C6orf118: variants seen among roughly 807,000 people sequenced by gnomAD.
The protein encoded by C6orf118 is uncharacterized protein C6orf118.
In C6orf118, 50 loss-of-function variants were observed where a neutral mutation model predicts 50.2. The ratio of observed to expected loss-of-function variants is 1.00; its 90% CI spans 0.79 to 1.26. C6orf118 has a LOEUF of 1.26. Among genes scored for constraint, C6orf118 ranks in the 50% most tolerant of loss-of-function variants. The probability of loss-of-function intolerance (pLI) is 0.00; values close to 1 mark genes in which losing one functional copy is unlikely to be tolerated. For synonymous variants in C6orf118, 239 were observed against 230.9 expected, an observed-to-expected ratio of 1.03 and a Z score of -0.32; for missense variants, 641 against 578.7, an observed-to-expected ratio of 1.11 and a Z score of -1.10.
rs374675192 is a variant in C6orf118 at position 165,302,054 on chromosome 6, G to C, written c.268C>G (p.Arg90Gly). 2 of 1,613,514 alleles carry C rather than the reference G, an allele frequency of 1.2e-6. No individual in the cohort carries two copies. The highest frequency in any genetic ancestry group is 1.7e-6 in the Non-Finnish European group (2 of 1,179,840). Residue 90 changes from arginine (R) to glycine (G), a missense_variant, in exon 2 of 9, where the codon CGC becomes GGC. Transcript: ENST00000230301. ...GGCGGCTCTCCCACCTCAGAGGCGCGCTCCCCCTTGGGCCGGTGGGCATTG... is the reference window on the plus strand; with the variant it reads ...GGCGGCTCTCCCACCTCAGAGGCGCCCTCCCCCTTGGGCCGGTGGGCATTG... ...WPNAHRPKGE[R>G]ASEVGEPPAG...
In C6orf118 at chr6:165,280,034, C is replaced by T. The variant is rs370982106; in HGVS notation, c.*23G>A. 3.1e-6 allele frequency: 5 copies of T among 1,594,444 alleles called. No homozygotes were observed. The African/African-American group carries it at 5.4e-5, about 17-fold the overall frequency. On this transcript the variant is annotated 3_prime_UTR_variant, in exon 9 of 9. Transcript: ENST00000230301. ...CATGGAAGTTAAGAATTTCCACTGG[C>T]CATTTGTTCAGCCACTTGAGCGTTA...
At chr6:165,289,563 A>G (rs1262074152) in intron 7 of C6orf118, among the ~76,000 whole-genome samples, 2 of 152,134 alleles carry the variant, frequency 1.3e-5, no homozygotes, top group Non-Finnish European at 2.9e-5. Context: ...GTAGTATTTC[A>G]TCCCTCATCC....
At chr6:165,302,390 A>C in intron 1 of C6orf118, 94 bp from the exon 2 acceptor site, 1 of 1,444,648 alleles carries the variant, frequency 6.9e-7, no homozygotes, top group Non-Finnish European at 9.3e-7. Flanking sequence ...CCCCTGACCA[A>C]AAGAGGGTCT....
intron 6 of C6orf118, 78 bp downstream of exon 6, chr6:165,293,335 G>A (rs961424763): frequency 3.1e-6 from 4 of 1,293,296 alleles, no homozygotes; most frequent in African/African-American, 2.9e-5. Context: ...TGACAGACAG[G>A]CAGCCACACT....
intron 5 of C6orf118, among the ~76,000 whole-genome samples, chr6:165,297,122 C>T (rs775457530): frequency 1.3e-5 from 2 of 152,056 alleles, no homozygotes; most frequent in Non-Finnish European, 2.9e-5. Flanking sequence ...TGAGAGAGAC[C>T]TTAAGACCAA....
At chr6:165,283,850 T>C (rs966103154) in intron 7 of C6orf118, among the ~76,000 whole-genome samples, 1 of 152,142 alleles carries the variant, frequency 6.6e-6, no homozygotes, top group East Asian at 1.9e-4. Context: ...CAAAGATAGA[T>C]AAGTGCATGA....
At chr6:165,308,555 T>C (rs934099564) in intron 1 of C6orf118, among the ~76,000 whole-genome samples, 1 of 152,122 alleles carries the variant, frequency 6.6e-6, no homozygotes, top group Non-Finnish European at 1.5e-5. Context: ...GCAGCAAAAC[T>C]GACCTTACCC....
Position 165,299,516 on chromosome 6 carries a change from A to G in C6orf118, c.877-14T>C, listed in dbSNP as rs1294452616. The G allele has an allele frequency of 1.9e-6, 3 of 1,613,416 alleles. No homozygotes were observed. The highest frequency in any genetic ancestry group is 1.7e-5 in the Admixed American group (1 of 59,984). Reference sequence around the variant, plus strand: ...TTCATATTCATCCTGTACAGAAACAAACAAAAGTCCACTGGCCATGTATGA... The same window carrying G: ...TTCATATTCATCCTGTACAGAAACAGACAAAAGTCCACTGGCCATGTATGA... On this transcript the variant is annotated splice_polypyrimidine_tract_variant and intron_variant, in intron 3 of 8. Transcript: ENST00000230301.
intron 6 of C6orf118, among the ~76,000 whole-genome samples, chr6:165,291,264 A>T (rs971134766): frequency 3.9e-5 from 6 of 152,246 alleles, no homozygotes; most frequent in African/African-American, 1.2e-4. Context: ...AATAGACCTT[A>T]GTAATTGACT....
Position 165,280,092 on chromosome 6 carries a change from G to C in C6orf118, c.1375C>G (p.Gln459Glu), listed in dbSNP as rs760965461. The C allele has an allele frequency of 1.2e-6, 2 of 1,607,272 alleles. No individual in the cohort carries two copies. The highest frequency in any genetic ancestry group is 2.2e-5 in the South Asian group (2 of 89,352). The part of the protein sequence containing the change: ...KKIKGPLEIY[Q>E]GICKIRGNRR ...TTTCCTCTGATTTTACAAATTCCTT[G>C]ATAAATTTCCAAAGGCCCCTTAAAA... The change falls in exon 9 of 9, where the codon CAA becomes GAA. Residue 459 changes from glutamine (Q) to glutamate (E), a missense_variant. Transcript: ENST00000230301.
At chr6:165,296,908 A>G (rs865951885) in intron 5 of C6orf118, among the ~76,000 whole-genome samples, 5 of 152,260 alleles carry the variant, frequency 3.3e-5, no homozygotes, top group Middle Eastern at 3.4e-3. Flanking sequence ...AATAAACTAG[A>G]TACACACCAG....
intron 4 of C6orf118, 124 bp downstream of exon 4, chr6:165,299,319 T>C: frequency 1.4e-6 from 1 of 725,226 alleles, no homozygotes; most frequent in South Asian, 1.9e-5. Context: ...AAAGAACATA[T>C]CAGCTATTCT....
chr6:165,284,116 G>A (rs1779827620), intron 7 of C6orf118, among the ~76,000 whole-genome samples: 1 of 152,134 alleles, frequency 6.6e-6, no homozygotes, highest in South Asian at 2.1e-4. Context: ...AGAATAATCA[G>A]TTTAGAGAGA....
At chr6:165,307,217 C>A (rs978169181) in intron 1 of C6orf118, among the ~76,000 whole-genome samples, 1 of 147,206 alleles carries the variant, frequency 6.8e-6, no homozygotes, top group Non-Finnish European at 1.5e-5. Context: ...CCCACCCCCC[C>A]CACCCCACCA....
intron 3 of C6orf118, 48 bp downstream of exon 3, chr6:165,300,316 C>T (rs748076631): frequency 1.9e-6 from 3 of 1,605,958 alleles, no homozygotes; most frequent in African/African-American, 1.3e-5. Context: ...GTACACAGAA[C>T]CTCATGCAAG....
chr6:165,280,053 A>G lies in C6orf118; in HGVS notation c.*4T>C. The G allele has an allele frequency of 6.2e-7, 1 of 1,604,058 alleles. No homozygotes were observed. Among genetic ancestry groups the G allele is most frequent in the Non-Finnish European group, 8.5e-7 (1 of 1,177,638 alleles). On this transcript the variant is annotated 3_prime_UTR_variant, in exon 9 of 9. Coordinates refer to ENST00000230301, the MANE Select transcript of C6orf118 (RefSeq NM_144980.4). ...CACTGGCCATTTGTTCAGCCACTTGAGCGTTATCTTCTGTTTCCTCTGATT... is the reference window on the plus strand; with the variant it reads ...CACTGGCCATTTGTTCAGCCACTTGGGCGTTATCTTCTGTTTCCTCTGATT...
intron 5 of C6orf118, among the ~76,000 whole-genome samples, chr6:165,297,099 A>T (rs555329422): frequency 6.6e-6 from 1 of 152,142 alleles, no homozygotes; most frequent in Non-Finnish European, 1.5e-5. Context: ...GCTAGAGTTC[A>T]TAGCCACCCT....
At chr6:165,304,824 G>GAC (rs1780667393) in intron 1 of C6orf118, among the ~76,000 whole-genome samples, 1 of 33,628 alleles carries the variant, frequency 3.0e-5, no homozygotes, top group Non-Finnish European at 4.8e-5. Flanking sequence ...AATAAAAGAG[G>GAC]ACACAAACAA....
intron 5 of C6orf118, among the ~76,000 whole-genome samples, chr6:165,295,738 TTG>T (rs565274259): frequency 7.2e-5 from 11 of 151,862 alleles, no homozygotes; most frequent in South Asian, 2.1e-4. Flanking sequence ...TGTGGAAGGG[TTG>T]TGTGCACCCT....
Sources: allele counts gnomAD v4.1 joint callset (sites outside exome capture counted in the v4.1 genomes callset), GRCh38; gene constraint gnomAD v4.1.1; transcripts MANE v1.5; gene names NCBI Gene and HGNC (gene_info 2026-07-23, HGNC 2026-07-21).